Variants in CCDC88A observed in about 807,000 individuals in gnomAD.
The protein encoded by CCDC88A is coiled-coil and HOOK domain protein 88A.
CCDC88A carries 54 observed loss-of-function variants against 234.3 expected under a neutral mutation model. The ratio of observed to expected loss-of-function variants is 0.23; its 90% CI spans 0.19 to 0.29. CCDC88A has a LOEUF of 0.29. CCDC88A is among the 10% of genes least tolerant of loss of function. The probability of loss-of-function intolerance (pLI) is 1.00; values close to 1 mark genes in which losing one functional copy is unlikely to be tolerated. For missense variants in CCDC88A, 1,832 were observed against 2,123.4 expected (o/e 0.86, Z 2.70); for synonymous variants, 753 against 737.8 (o/e 1.02, Z -0.33).
At chr2:55,299,544 G>C (rs1178680299) in intron 29 of CCDC88A, among the ~76,000 whole-genome samples, 3 of 152,046 alleles carry the variant, frequency 2.0e-5, no homozygotes, top group Non-Finnish European at 4.4e-5. Context: ...TCATGTCAAA[G>C]ACAAAATGTC....
chr2:55,333,259 C>A (rs554724341), intron 15 of CCDC88A, among the ~76,000 whole-genome samples: 39 of 152,280 alleles, frequency 2.6e-4, no homozygotes, highest in African/African-American at 9.1e-4. Flanking sequence ...TGCTAATATA[C>A]TTTTAAATTG....
At position 55,354,907 on chromosome 2, in the gene CCDC88A, C is replaced by CT. The variant is rs1245406604; in HGVS notation, c.800+671dup. ...TAAGCATTTTTCTTTTCTTTTTTTA[C>CT]TTTTAAACTTTTTTGTTAAAAACCA... On this transcript the variant is annotated intron_variant, in intron 8 of 32. Transcript: ENST00000436346. Among the ~76,000 whole-genome samples the CT allele has an allele frequency of 4.6e-5, 7 of 150,824 alleles. No individual in the cohort carries two copies. The South Asian group carries it at 1.5e-3, about 32-fold the overall frequency.
rs1242659961 is a variant in CCDC88A, at chr2:55,418,845, C to A, written c.135G>T (p.Gly45=). The change falls in exon 2 of 33, where the codon GGG becomes GGT. Residue 45 remains glycine (G), a synonymous_variant. Transcript: ENST00000436346. Reference sequence around the variant, plus strand: ...GGAGCATGACCTGGTTCAAGAATACCCCATCCACCAAAGCCACATATTCAT... The same window carrying A: ...GGAGCATGACCTGGTTCAAGAATACACCATCCACCAAAGCCACATATTCAT... ...NLDEYVALVD[G]VFLNQVMLQI... 1 of 1,613,974 alleles carries A rather than the reference C, an allele frequency of 6.2e-7. No homozygotes were observed. Among genetic ancestry groups the A allele is most frequent in the African/African-American group, 1.3e-5 (1 of 74,996 alleles).
intron 5 of CCDC88A, among the ~76,000 whole-genome samples, chr2:55,366,236 G>C (rs1184528002): frequency 6.6e-6 from 1 of 152,038 alleles, no homozygotes; most frequent in Non-Finnish European, 1.5e-5. Context: ...CTAAGAATAC[G>C]ACATGGAGGC....
At chr2:55,307,763 T>C (rs779594046) in intron 25 of CCDC88A, among the ~76,000 whole-genome samples, 2 of 151,572 alleles carry the variant, frequency 1.3e-5, no homozygotes, top group Non-Finnish European at 2.9e-5. Context: ...AGGGATTACA[T>C]GCATGAGCCA....
At chr2:55,402,530 T>C (rs781108588) in intron 2 of CCDC88A, among the ~76,000 whole-genome samples, 79 of 152,322 alleles carry the variant, frequency 5.2e-4, no homozygotes, top group Non-Finnish European at 1.0e-3. Flanking sequence ...AATCTGAAAC[T>C]CTATCAATGA....
At position 55,418,900 on chromosome 2, in the gene CCDC88A, G is replaced by A. The variant is rs762723160; in HGVS notation, c.80C>T (p.Pro27Leu). ...PLVTWVKTFG[P>L]LAAGNGTNLD... ...GTTGGTCCCATTTCCTGCGGCCAGA[G>A]GTCCAAACGTTTTAACCTAGAACAA... The change falls in exon 2 of 33, where the codon CCT becomes CTT. Residue 27 changes from proline (P) to leucine (L), a missense_variant. Pro to Leu is a moderately conservative substitution (Grantham distance 98). This residue lies in a region of CCDC88A where 36 missense variants were observed against 44.0 expected (regional missense o/e 0.82). Coordinates refer to ENST00000436346, the MANE Select transcript of CCDC88A (RefSeq NM_001365480.1). 6.2e-7 allele frequency: 1 copy of A among 1,613,992 alleles called. No individual in the cohort carries two copies. Among genetic ancestry groups the A allele is most frequent in the Non-Finnish European group, 8.5e-7 (1 of 1,179,908 alleles).
chr2:55,385,704 T>G (rs1204413856), intron 3 of CCDC88A, among the ~76,000 whole-genome samples: 1 of 150,458 alleles, frequency 6.6e-6, no homozygotes, highest in Non-Finnish European at 1.5e-5. Flanking sequence ...AATACAAAAA[T>G]TAGCCGGGCC....
intron 8 of CCDC88A, 149 bp from the exon 9 acceptor site, chr2:55,349,748 T>C (rs1669634717): frequency 1.9e-6 from 1 of 520,598 alleles, no homozygotes. Context: ...AAAAAAAAGA[T>C]AGATATTAGG....
At chr2:55,371,449 T>C (rs1672834204) in intron 5 of CCDC88A, among the ~76,000 whole-genome samples, 1 of 152,166 alleles carries the variant, frequency 6.6e-6, no homozygotes, top group Non-Finnish European at 1.5e-5. Context: ...CACAAAGAAG[T>C]GAGACAGTTT....
intron 2 of CCDC88A, among the ~76,000 whole-genome samples, chr2:55,412,151 G>C (rs1680608827): frequency 6.6e-6 from 1 of 152,174 alleles, no homozygotes; most frequent in African/African-American, 2.4e-5. Flanking sequence ...TTCTATGCTA[G>C]GTGCTAGTGA....
intron 31 of CCDC88A, among the ~76,000 whole-genome samples, chr2:55,293,340 A>C (rs1007136839): frequency 7.2e-5 from 11 of 152,304 alleles, no homozygotes; most frequent in South Asian, 6.2e-4. Flanking sequence ...ATGAAAAAAC[A>C]AAAGGGAAAA....
rs1193085948 is a variant in CCDC88A, at chr2:55,312,529, T to C, written c.3984A>G (p.Leu1328=). The change falls in exon 23 of 33, where the codon CTA becomes CTG. Residue 1328 remains leucine, a synonymous_variant. Transcript: ENST00000436346. ...GTAGCATTAATGTCTGAATTTGATC[T>C]AGTAGATGCCGATTTTCTTCTTCTA... ...GNLEEENRHL[L]DQIQTLMLQN... 2 of 1,610,982 alleles carry C rather than the reference T, an allele frequency of 1.2e-6. No homozygotes were observed. Among genetic ancestry groups the C allele is most frequent in the Admixed American group, 1.7e-5 (1 of 59,758 alleles).
chr2:55,400,507 C>T (rs1168683326), intron 2 of CCDC88A, among the ~76,000 whole-genome samples: 1 of 152,150 alleles, frequency 6.6e-6, no homozygotes, highest in Non-Finnish European at 1.5e-5. Flanking sequence ...AAATGATCTA[C>T]TTATGACAAG....
Position 55,336,768 on chromosome 2 carries a change from A to T in CCDC88A, c.1569T>A (p.Asn523Lys), listed in dbSNP as rs200076624. 282 of 1,595,782 alleles carry T rather than the reference A, an allele frequency of 1.8e-4. No homozygotes were observed. Among genetic ancestry groups the T allele is most frequent in the Non-Finnish European group, 2.2e-4 (258 of 1,168,414 alleles). The part of the protein sequence containing the change: ...EIVQEKQSLQ[N>K]CQNLSKDLMK... ...TTAGATCCTTGCTTAAATTCTGACAATTCTGAAGACTTTGCTTTTCTTGAA... is the reference window on the plus strand; with the variant it reads ...TTAGATCCTTGCTTAAATTCTGACATTTCTGAAGACTTTGCTTTTCTTGAA... Residue 523 changes from asparagine (N) to lysine (K), a missense_variant, in exon 14 of 33, where the codon AAT becomes AAA. Coordinates refer to ENST00000436346, the MANE Select transcript of CCDC88A (RefSeq NM_001365480.1).
Position 55,317,577 on chromosome 2 carries a change from C to A in CCDC88A, c.3589G>T (p.Asp1197Tyr). The A allele has an allele frequency of 1.3e-6, 2 of 1,570,690 alleles. No individual in the cohort carries two copies. Among genetic ancestry groups the A allele is most frequent in the Non-Finnish European group, 1.7e-6 (2 of 1,153,148 alleles). Residue 1197 changes from aspartate to tyrosine, a missense_variant, in exon 20 of 33, where the codon GAC (aspartate) becomes TAC (tyrosine). By Grantham distance (160) the Asp-to-Tyr change is radical. Transcript: ENST00000436346. This position sits in a 1 kb window ranked among gnomAD's most constrained non-coding sequence, Gnocchi z 4.2. The stretch of plus-strand genomic sequence containing the variant: ...ATAATAAATTACCGGTCTTCAAGGT[C>A]TCTATGTTCCACCTCAAGATTTTTG... ...AHKNLEVEHRDLEDRYNQLLK... is the reference protein window; with the variant it reads ...AHKNLEVEHRYLEDRYNQLLK...
rs1681685712 is a variant in CCDC88A, at chr2:55,307,114, A to G, written c.4387+1695T>C. On this transcript the variant is annotated intron_variant, in intron 25 of 32. Coordinates refer to ENST00000436346, the MANE Select transcript of CCDC88A (RefSeq NM_001365480.1). ...TTAGTGATAGTGTGAGAGGATTCAA[A>G]GTATCCTGTTCACATATTTTGTAAG... Among the ~76,000 whole-genome samples the G allele has an allele frequency of 2.6e-5, 4 of 152,168 alleles. 1 individual carries two copies. The South Asian group carries it at 8.3e-4, about 32-fold the overall frequency.
chr2:55,371,889 T>C (rs1429474550), intron 5 of CCDC88A, among the ~76,000 whole-genome samples: 1 of 152,188 alleles, frequency 6.6e-6, no homozygotes, highest in Non-Finnish European at 1.5e-5. Context: ...TGAAAGAAGA[T>C]ATTATGAGAA....
rs754216763 is a variant in CCDC88A at position 55,322,668 on chromosome 2, T to G, written c.3022A>C (p.Lys1008Gln). 7 of 1,541,554 alleles carry G rather than the reference T, an allele frequency of 4.5e-6. No homozygotes were observed. The highest frequency in any genetic ancestry group is 6.1e-6 in the Non-Finnish European group (7 of 1,148,718). The change falls in exon 18 of 33, where the codon AAA (lysine) becomes CAA (glutamine). Residue 1008 changes from lysine to glutamine, a missense_variant. Around this residue, in one of 6 missense-constraint regions of CCDC88A, gnomAD observed 1,282 missense variants for 1,543.6 expected, o/e 0.83. Transcript: ENST00000436346. ...KTVKKNYEAL[K>Q]QRQDEERMVQ... Reference sequence around the variant, plus strand: ...ATCCTTTCCTCATCTTGTCTCTGTTTGAGAGCTTCATAATTTTTTTTCACC... The same window carrying G: ...ATCCTTTCCTCATCTTGTCTCTGTTGGAGAGCTTCATAATTTTTTTTCACC...
Sources: allele counts gnomAD v4.1 joint callset (sites outside exome capture counted in the v4.1 genomes callset), GRCh38; gene constraint gnomAD v4.1.1; regional missense constraint gnomAD v4.1.1; non-coding constraint Gnocchi (gnomAD v3.1); transcripts MANE v1.5; gene names NCBI Gene and HGNC (gene_info 2026-07-23, HGNC 2026-07-21).